PGR: variants seen among roughly 807,000 people sequenced by gnomAD.
PGR encodes the protein nuclear receptor subfamily 3 group C member 3.
A neutral mutation model predicts 76.1 loss-of-function variants in PGR; 25 were observed. The observed-to-expected ratio is 0.33, with a 90% CI of 0.24 to 0.46. The LOEUF is 0.46. Ranked by LOEUF, PGR falls within the 20% of genes least tolerant of loss-of-function variation. PGR has a pLI of 1.00. For synonymous variants in PGR, 579 were observed against 535.0 expected (o/e 1.08, Z -1.14); for missense variants, 1,172 against 1,225.3 (o/e 0.96, Z 0.65).
chr11:101,059,855 A>AAG lies in PGR; in HGVS notation c.2212+2591_2212+2592insCT, dbSNP rs1555050852. ...GAGACCCTCTCTCAAAAAAAAAAAA[A>AAG]AAAAAAGAAAAAAAAGAAAAGAAAC... On this transcript the variant is annotated intron_variant, in intron 4 of 7. Coordinates refer to ENST00000325455, the MANE Select transcript of PGR (RefSeq NM_000926.4). 5.8e-5 allele frequency among the ~76,000 whole-genome samples: 8 copies of AAG among 137,450 alleles called. No homozygotes were observed. The East Asian group carries it at 9.8e-4, about 17-fold the overall frequency. 90.2% of individuals were successfully genotyped at this position (137,450 alleles called of 152,430 possible). A position where few individuals can be genotyped will look rare whatever the true frequency, so the allele number is the denominator to read the frequency against.
chr11:101,050,220 T>C (rs1860039830), intron 5 of PGR, among the ~76,000 whole-genome samples, 161 bp from the exon 6 acceptor site: 1 of 152,176 alleles, frequency 6.6e-6, no homozygotes, highest in African/African-American at 2.4e-5. Context: ...TTTGGAATTT[T>C]AAACATCTTC....
chr11:101,129,587 C>T lies in PGR; in HGVS notation c.-517G>A, dbSNP rs550649970. ...CCCTCACTAAAACCCTGGGGCTAGT[C>T]GGACCTCTCGGTACAGCCCATTCCC... On this transcript the variant is annotated 5_prime_UTR_variant, in exon 1 of 8. Transcript: ENST00000325455. 5.4e-6 allele frequency: 1 copy of T among 185,382 alleles called. No homozygotes were observed. The highest frequency in any genetic ancestry group is 2.3e-5 in the African/African-American group (1 of 42,752). The allele number at this position is 185,382 out of a possible 1,614,324, so 11.5% of individuals were successfully genotyped here. A position where few individuals can be genotyped will look rare whatever the true frequency, so the allele number is the denominator to read the frequency against.
chr11:101,047,061 TTC>T (rs72109131), intron 6 of PGR, among the ~76,000 whole-genome samples: 1,992 of 152,276 alleles, frequency 0.013, 39 homozygotes, highest in African/African-American at 0.042. Context: ...ATTAAATAGT[TTC>T]TTTTTCTTCC....
chr11:101,035,943 A>G lies in PGR; in HGVS notation c.*3173T>C, dbSNP rs559896933. The G allele has an allele frequency of 4.4e-6, 1 of 228,928 alleles. No homozygotes were observed. Among genetic ancestry groups the G allele is most frequent in the Admixed American group, 5.7e-5 (1 of 17,624 alleles). 14.2% of individuals were successfully genotyped at this position (228,928 alleles called of 1,614,324 possible). On this transcript the variant is annotated 3_prime_UTR_variant, in exon 8 of 8. Transcript: ENST00000325455. ...TGAAAACAAAATAGTAGCAATTACT[A>G]TTTCTGAAGGCCTGTATACGTTTTT...
chr11:101,118,577 G>A (rs1199702329), intron 2 of PGR, among the ~76,000 whole-genome samples: 6 of 152,080 alleles, frequency 3.9e-5, no homozygotes, highest in East Asian at 1.9e-4. Context: ...AACACAAGAC[G>A]CTGTAGTAGC....
intron 6 of PGR, among the ~76,000 whole-genome samples, chr11:101,044,700 CTTTTTTTT>C (rs34361620): frequency 7.9e-5 from 6 of 75,848 alleles, no homozygotes; most frequent in African/African-American, 1.4e-4. Context: ...GGCCTAATTG[CTTTTTTTT>C]TTTTTTTTTT....
chr11:101,113,648 T>C (rs931102130), intron 2 of PGR, among the ~76,000 whole-genome samples: 2 of 152,158 alleles, frequency 1.3e-5, no homozygotes, highest in African/African-American at 4.8e-5. Flanking sequence ...CATATCCTTT[T>C]ATAAAGGAAA....
intron 3 of PGR, among the ~76,000 whole-genome samples, chr11:101,084,392 T>G (rs1015995232): frequency 1.3e-5 from 2 of 152,060 alleles, no homozygotes; most frequent in Non-Finnish European, 2.9e-5. Flanking sequence ...GCACAGTGGC[T>G]CACACCTGTA....
At chr11:101,114,116 T>C (rs1165446418) in intron 2 of PGR, among the ~76,000 whole-genome samples, 2 of 152,222 alleles carry the variant, frequency 1.3e-5, no homozygotes, top group Non-Finnish European at 2.9e-5. Context: ...ATTTTTAGTC[T>C]AATACTTAGT....
chr11:101,060,850 T>C (rs749367713), intron 4 of PGR, among the ~76,000 whole-genome samples: 3 of 152,202 alleles, frequency 2.0e-5, no homozygotes, highest in African/African-American at 4.8e-5. Flanking sequence ...TGTAAGAGTT[T>C]TCTCTCATTC....
Position 101,128,867 on chromosome 11 carries a change from G to T in PGR, c.204C>A (p.Asp68Glu). The change falls in exon 1 of 8, where the codon GAC becomes GAA. Residue 68 changes from aspartate to glutamate, a missense_variant. This residue lies in a region of PGR where 893 missense variants were observed against 785.9 expected (regional missense o/e 1.14). Transcript: ENST00000325455. ...GGTCCTGCGTCTTTTCGTCGGAGGG[G>T]TCCTGTCCCTGGCAGGGCCGAGGGA... is the stretch of plus-strand genomic sequence containing the variant. ...LLFPRPCQGQ[D>E]PSDEKTQDQQ... The T allele has an allele frequency of 6.2e-7, 1 of 1,614,170 alleles. No homozygotes were observed.
intron 2 of PGR, among the ~76,000 whole-genome samples, chr11:101,099,023 C>A (rs1338713690): frequency 3.9e-5 from 6 of 152,134 alleles, no homozygotes; most frequent in Non-Finnish European, 8.8e-5. Context: ...GGTACAGGAC[C>A]AGTGAAATTG....
chr11:101,083,674 G>A (rs570750037), intron 3 of PGR, among the ~76,000 whole-genome samples: 1 of 152,306 alleles, frequency 6.6e-6, no homozygotes, highest in South Asian at 2.1e-4. Flanking sequence ...CTGCCCTGCT[G>A]GGTTTTGAAC....
Position 101,033,246 on chromosome 11 carries a change from A to T in PGR, c.*5870T>A. On this transcript the variant is annotated 3_prime_UTR_variant, in exon 8 of 8. Transcript: ENST00000325455. ...AATCATAGCAAATTCAGGGCTTACT[A>T]GTTTAGGCAAATTCTGGAAAGTATT... 4.8e-6 allele frequency: 1 copy of T among 207,444 alleles called. No homozygotes were observed. Among genetic ancestry groups the T allele is most frequent in the Non-Finnish European group, 9.9e-6 (1 of 101,522 alleles). 12.9% of individuals were successfully genotyped at this position (207,444 alleles called of 1,614,324 possible). A position where few individuals can be genotyped will look rare whatever the true frequency, so the allele number is the denominator to read the frequency against.
intron 2 of PGR, among the ~76,000 whole-genome samples, chr11:101,098,347 A>T (rs1351942771): frequency 6.6e-6 from 1 of 152,170 alleles, no homozygotes; most frequent in African/African-American, 2.4e-5. Flanking sequence ...AGAGTTCACA[A>T]TTTTTCATGG....
intron 2 of PGR, among the ~76,000 whole-genome samples, chr11:101,094,591 C>T (rs937139603): frequency 6.6e-6 from 1 of 152,120 alleles, no homozygotes; most frequent in Non-Finnish European, 1.5e-5. Context: ...CTCTGACCTT[C>T]CAGTCATATT....
At chr11:101,074,308 G>A (rs1454658624) in intron 3 of PGR, among the ~76,000 whole-genome samples, 5 of 152,080 alleles carry the variant, frequency 3.3e-5, no homozygotes, top group Non-Finnish European at 7.4e-5. Flanking sequence ...AATAAGCTAG[G>A]TATTGATGGA....
intron 3 of PGR, among the ~76,000 whole-genome samples, chr11:101,074,416 C>T (rs1483853634): frequency 1.3e-5 from 2 of 152,108 alleles, no homozygotes; most frequent in East Asian, 1.9e-4. Flanking sequence ...AAAACCAGCA[C>T]AAGACAGGGA....
At chr11:101,064,691 A>G (rs1003458344) in intron 3 of PGR, among the ~76,000 whole-genome samples, 1 of 152,170 alleles carries the variant, frequency 6.6e-6, no homozygotes, top group Non-Finnish European at 1.5e-5. Context: ...TTTTGGCAAT[A>G]CATGTCTGCT....
Sources: gnomAD v4.1 joint callset for allele counts (sites outside exome capture counted in the v4.1 genomes callset) on GRCh38, gnomAD v4.1.1 for gene constraint, gnomAD v4.1.1 regional missense constraint, MANE v1.5 for transcripts, NCBI Gene and HGNC (gene_info 2026-07-23, HGNC 2026-07-21) for gene names.